The following PSG1 variants were observed in gnomAD, a reference collection of about 807,000 sequenced individuals.
The protein encoded by PSG1 is pregnancy specific beta-1-glycoprotein 1.
PSG1 carries 60 observed loss-of-function variants against 41.4 expected under a neutral mutation model. The observed-to-expected ratio is 1.45, with a 90% CI of 1.18 to 1.80. PSG1 has a LOEUF of 1.80. PSG1 is among the 40% of genes most tolerant of loss of function. PSG1 has a pLI of 0.00. For missense variants in PSG1, 806 were observed against 516.9 expected, an observed-to-expected ratio of 1.56 and a Z score of -5.42; for synonymous variants, 256 against 192.9, an observed-to-expected ratio of 1.33 and a Z score of -2.71.
intron 1 of PSG1, among the ~76,000 whole-genome samples, chr19:42,878,765 G>A (rs1971734163): frequency 1.3e-5 from 2 of 150,172 alleles, no homozygotes; most frequent in African/African-American, 4.9e-5. Flanking sequence ...CCCCATGACA[G>A]CGTGAGCTCC....
intron 2 of PSG1, among the ~76,000 whole-genome samples, chr19:42,876,320 C>T (rs970477439): frequency 6.6e-6 from 1 of 151,316 alleles, no homozygotes; most frequent in African/African-American, 2.4e-5. Flanking sequence ...TAGTCCAGGA[C>T]CAAGGAGCCC....
chr19:42,869,412 C>T (rs545261723), intron 3 of PSG1: 1 of 311,276 alleles, frequency 3.2e-6, no homozygotes, highest in Non-Finnish European at 5.9e-6. Flanking sequence ...AAATTCCATC[C>T]TACTTTGTCC....
At chr19:42,873,080 C>A (rs1311180200) in intron 2 of PSG1, among the ~76,000 whole-genome samples, 1 of 151,504 alleles carries the variant, frequency 6.6e-6, no homozygotes, top group Non-Finnish European at 1.5e-5. Context: ...TTTGCAGGAG[C>A]TGGGATCAGG....
intron 4 of PSG1, 59 bp downstream of exon 4, chr19:42,868,697 A>G (rs566522580): frequency 1.2e-6 from 2 of 1,602,240 alleles, no homozygotes; most frequent in African/African-American, 1.3e-5. Context: ...GAGGCCTGGC[A>G]TCTGGTGGTT....
intron 2 of PSG1, among the ~76,000 whole-genome samples, chr19:42,875,357 A>C (rs1198894738): frequency 2.6e-5 from 4 of 151,796 alleles, no homozygotes; most frequent in Admixed American, 6.6e-5. Flanking sequence ...AATTTTGCTA[A>C]AATGTAGGCA....
chr19:42,867,732 T>C lies in PSG1; in HGVS notation c.1243+369A>G, dbSNP rs1479868153. ...TACGGTTCCCAGAAGTATAGTTTAT[T>C]GAACTGCTATAAGCTGTAGATAGAT... is the stretch of plus-strand genomic sequence containing the variant. On this transcript the variant is annotated intron_variant, in intron 5 of 5. Coordinates refer to ENST00000436291, the MANE Select transcript of PSG1 (RefSeq NM_001184825.2). 1.6e-5 allele frequency: 14 copies of C among 865,068 alleles called. No homozygotes were observed. The East Asian group carries it at 3.4e-4, about 21-fold the overall frequency. The allele number at this position is 865,068 out of a possible 1,614,324, so 53.6% of individuals were successfully genotyped here. A position where few individuals can be genotyped will look rare whatever the true frequency, so the allele number is the denominator to read the frequency against.
chr19:42,875,613 C>A lies in PSG1; in HGVS notation c.430+2300G>T, dbSNP rs1359399712. ...ACAAACAGATCATGTCCCCCTGCCCCCATGATTCCATCACCAAACAATCAG... is the reference window on the plus strand; with the variant it reads ...ACAAACAGATCATGTCCCCCTGCCCACATGATTCCATCACCAAACAATCAG... On this transcript the variant is annotated intron_variant, in intron 2 of 5. Coordinates refer to ENST00000436291, the MANE Select transcript of PSG1 (RefSeq NM_001184825.2). 4.0e-5 allele frequency among the ~76,000 whole-genome samples: 6 copies of A among 151,362 alleles called. 1 individual carries two copies. Among genetic ancestry groups the A allele is most frequent in the Non-Finnish European group, 7.4e-5 (5 of 67,844 alleles).
chr19:42,867,093 G>T lies in PSG1; in HGVS notation c.*41C>A, dbSNP rs768917911. 3 of 772,742 alleles carry T rather than the reference G, an allele frequency of 3.9e-6. 1 individual carries two copies. Among genetic ancestry groups the T allele is most frequent in the Non-Finnish European group, 7.2e-6 (3 of 417,568 alleles). 47.9% of individuals were successfully genotyped at this position (772,742 alleles called of 1,614,324 possible). ...GAACAGAGTGGGTCTTGCTCTTAGT[G>T]ATTCCATGGGAGAAAATGGAATTGG... On this transcript the variant is annotated 3_prime_UTR_variant, in exon 6 of 6. Transcript: ENST00000436291.
At position 42,872,015 on chromosome 19, in the gene PSG1, C is replaced by T. The variant is rs542714549; in HGVS notation, c.461G>A (p.Ser154Asn). ...CATGGTCTCCCTGGGATTTAAGTTG[C>T]TGCTGGAGATGGAGGGCTTAGGAGT... ...LETPKPSISS[S>N]NLNPRETMEA... Residue 154 changes from serine (S) to asparagine (N), a missense_variant, in exon 3 of 6, where the codon AGC (serine) becomes AAC (asparagine). Ser to Asn is a conservative substitution (Grantham distance 46). Coordinates refer to ENST00000436291, the MANE Select transcript of PSG1 (RefSeq NM_001184825.2). 1.2e-6 allele frequency: 2 copies of T among 1,612,264 alleles called. No homozygotes were observed. The highest frequency in any genetic ancestry group is 1.7e-6 in the Non-Finnish European group (2 of 1,179,146).
At chr19:42,877,277 G>C (rs574257783) in intron 2 of PSG1, among the ~76,000 whole-genome samples, 19 of 151,698 alleles carry the variant, frequency 1.3e-4, no homozygotes, top group South Asian at 8.4e-4. Context: ...AGGCAGTTGG[G>C]TGATGGCCTA....
chr19:42,873,321 G>T (rs867005862), intron 2 of PSG1, among the ~76,000 whole-genome samples: 1 of 151,716 alleles, frequency 6.6e-6, no homozygotes, highest in Non-Finnish European at 1.5e-5. Context: ...TCCACAATGC[G>T]CCAGTGAGCA....
At chr19:42,873,077 G>A (rs574397510) in intron 2 of PSG1, among the ~76,000 whole-genome samples, 1 of 151,680 alleles carries the variant, frequency 6.6e-6, no homozygotes, top group East Asian at 1.9e-4. Context: ...TAGTTTGCAG[G>A]AGCTGGGATC....
intron 5 of PSG1, 73 bp downstream of exon 5, chr19:42,868,028 T>G (rs1218636296): frequency 2.5e-6 from 4 of 1,611,024 alleles, no homozygotes; most frequent in Non-Finnish European, 3.4e-6. Context: ...ACAATTGTTT[T>G]CCTGACTCTT....
chr19:42,871,755 G>A lies in PSG1; in HGVS notation c.709+12C>T. On this transcript the variant is annotated intron_variant, in intron 3 of 5. Transcript: ENST00000436291. ...TGGCAGCCTGGCTCACAGAGGAACA[G>A]AAGATACTCACGGAGGAGATTCAGG... The A allele has an allele frequency of 6.2e-7, 1 of 1,612,726 alleles. No homozygotes were observed.
At chr19:42,869,216 G>C in intron 3 of PSG1, 182 bp from the exon 4 acceptor site, 1 of 1,342,370 alleles carries the variant, frequency 7.4e-7, no homozygotes, top group Non-Finnish European at 1.0e-6. Context: ...CTGTGAGGCC[G>C]CCTTCTCTGT....
rs184206858 is a variant in PSG1 at position 42,878,081 on chromosome 19, T to C, written c.262A>G (p.Ile88Val). 3 of 1,612,178 alleles carry C rather than the reference T, an allele frequency of 1.9e-6. No individual in the cohort carries two copies. The highest frequency in any genetic ancestry group is 2.5e-6 in the Non-Finnish European group (3 of 1,179,124). ...YITSYVVDGEIIIYGPAYSGR... is the reference protein window; with the variant it reads ...YITSYVVDGEVIIYGPAYSGR... ...CTATATGCAGGCCCATATATAATTA[T>C]TTCACCGTCTACTACATATGATGTA... is the stretch of plus-strand genomic sequence containing the variant. The change falls in exon 2 of 6, where the codon ATA (isoleucine) becomes GTA (valine). Residue 88 changes from isoleucine (I) to valine (V), a missense_variant. Transcript: ENST00000436291.
rs1331109452 is a variant in PSG1 at position 42,866,947 on chromosome 19, G to A, written c.*187C>T. The stretch of plus-strand genomic sequence containing the variant: ...CACTTGTTGTCCTGGTTTACAGTTT[G>A]AGCATCTGTTGTTATGGTGTCGAAT... On this transcript the variant is annotated 3_prime_UTR_variant, in exon 6 of 6. Transcript: ENST00000436291. 2.7e-6 allele frequency: 2 copies of A among 740,224 alleles called. No homozygotes were observed. The highest frequency in any genetic ancestry group is 4.9e-6 in the Non-Finnish European group (2 of 404,934). The allele number at this position is 740,224 out of a possible 1,614,324, so 45.9% of individuals were successfully genotyped here.
At position 42,871,764 on chromosome 19, in the gene PSG1, C is replaced by T. The variant is rs1971395393; in HGVS notation, c.709+3G>A. ...GGCTCACAGAGGAACAGAAGATACT[C>T]ACGGAGGAGATTCAGGGTGACTGGG... On this transcript the variant is annotated splice_donor_region_variant and intron_variant, in intron 3 of 5. Transcript: ENST00000436291. 6.2e-7 allele frequency: 1 copy of T among 1,612,554 alleles called. No individual in the cohort carries two copies. The highest frequency in any genetic ancestry group is 1.3e-5 in the African/African-American group (1 of 74,722).
At position 42,867,963 on chromosome 19, in the gene PSG1, G is replaced by T. The variant is rs1460920668; in HGVS notation, c.1243+138C>A. The T allele has an allele frequency of 2.5e-6, 4 of 1,579,582 alleles. No homozygotes were observed. In the African/African-American group the frequency reaches 4.1e-5, roughly 16 times the overall value. The stretch of plus-strand genomic sequence containing the variant: ...TCGAAGTTCTTAGACAAATTTGGAG[G>T]GTTCAGGAGGAGAATTTGGGATTTG... On this transcript the variant is annotated intron_variant, in intron 5 of 5. Transcript: ENST00000436291.
Sources: gnomAD v4.1 joint callset for allele counts (sites outside exome capture counted in the v4.1 genomes callset) on GRCh38, gnomAD v4.1.1 for gene constraint, MANE v1.5 for transcripts, NCBI Gene and HGNC (gene_info 2026-07-23, HGNC 2026-07-21) for gene names.